PRH1: variants seen among roughly 807,000 people sequenced by gnomAD.
PRH1 encodes the protein salivary acidic proline-rich phosphoprotein 1/2.
PRH1 carries 7 observed loss-of-function variants against 7.9 expected under a neutral mutation model. That is an observed-to-expected ratio of 0.89 (90% CI 0.50 to 1.67). PRH1 has a LOEUF of 1.67. Ranked by LOEUF, PRH1 falls within the 40% of genes most tolerant of loss-of-function variation. The pLI is 0.00. For missense variants in PRH1, 109 were observed against 223.6 expected (o/e 0.49, Z 3.27); for synonymous variants, 45 against 80.8 (o/e 0.56, Z 2.38).
At chr12:10,996,496 A>G (rs1404453396) in intron 1 of PRH1, 1 of 152,780 alleles carries the variant, frequency 6.5e-6, no homozygotes, top group Non-Finnish European at 1.5e-5. Flanking sequence ...ACGTGATACA[A>G]ATTACAACGA....
At chr12:11,140,932 C>T (rs986813379) in intron 1 of PRH1, among the ~76,000 whole-genome samples, 2 of 151,962 alleles carry the variant, frequency 1.3e-5, no homozygotes, top group African/African-American at 4.8e-5. Context: ...ACTTTTCCTA[C>T]CAAAAGCATT....
chr12:11,060,044 T>C (rs1230278395), intron 1 of PRH1, among the ~76,000 whole-genome samples: 1 of 152,040 alleles, frequency 6.6e-6, no homozygotes, highest in Non-Finnish European at 1.5e-5. Flanking sequence ...TCTTACATTG[T>C]ACTGAGGAAG....
intron 1 of PRH1, among the ~76,000 whole-genome samples, chr12:11,151,725 G>A (rs1370532334): frequency 2.0e-5 from 3 of 152,012 alleles, no homozygotes; most frequent in African/African-American, 7.3e-5. Flanking sequence ...GTTGTTTAGG[G>A]GATAAATTAT....
chr12:11,130,482 G>A (rs952373569), intron 1 of PRH1, among the ~76,000 whole-genome samples: 3 of 149,740 alleles, frequency 2.0e-5, no homozygotes, highest in Non-Finnish European at 3.0e-5. Context: ...TCTGACTCAC[G>A]AACGATGTTT....
upstream of PRH1, among the ~76,000 whole-genome samples, chr12:10,886,705 T>G (rs1303939425): frequency 5.3e-5 from 8 of 152,196 alleles, no homozygotes; most frequent in Non-Finnish European, 1.2e-4. Context: ...ACATATGAAA[T>G]TTTAGGATTC....
intron 1 of PRH1, among the ~76,000 whole-genome samples, chr12:11,169,250 C>T (rs1947734005): frequency 6.6e-6 from 1 of 152,218 alleles, no homozygotes; most frequent in Admixed American, 6.5e-5. Flanking sequence ...TAATATCACC[C>T]TCAGCAAAAG....
intron 1 of PRH1, among the ~76,000 whole-genome samples, chr12:11,151,168 C>T (rs1947068298): frequency 6.6e-6 from 1 of 152,184 alleles, no homozygotes; most frequent in South Asian, 2.1e-4. Context: ...TGGGATTTAC[C>T]TGCAGCAGCT....
chr12:11,003,944 T>C (rs1940709040), intron 1 of PRH1, among the ~76,000 whole-genome samples: 1 of 152,116 alleles, frequency 6.6e-6, no homozygotes, highest in African/African-American at 2.4e-5. Context: ...ATCCATTTTA[T>C]TACTGATGGT....
chr12:11,037,498 A>T (rs1272167529), intron 1 of PRH1, among the ~76,000 whole-genome samples: 1 of 152,256 alleles, frequency 6.6e-6, no homozygotes, highest in African/African-American at 2.4e-5. Context: ...TAAAAATATG[A>T]GTATAAATAT....
At chr12:10,882,772 C>T in intron 2 of PRH1, 74 bp from the exon 3 acceptor site, 1 of 1,582,844 alleles carries the variant, frequency 6.3e-7, no homozygotes, top group Non-Finnish European at 8.6e-7. Flanking sequence ...TCTGTCTTCA[C>T]CACACGGCCG....
chr12:10,959,334 G>C (rs1938123293), intron 2 of PRH1, among the ~76,000 whole-genome samples: 1 of 7,962 alleles, frequency 1.3e-4, no homozygotes, highest in African/African-American at 1.9e-4. Context: ...TAGTCTATTA[G>C]AGAAAGGATT....
At chr12:10,984,561 G>A (rs1430675019) in intron 1 of PRH1, among the ~76,000 whole-genome samples, 2 of 152,042 alleles carry the variant, frequency 1.3e-5, no homozygotes, top group East Asian at 1.9e-4. Context: ...GGCCCTGGGA[G>A]TCAACAGTAA....
At chr12:10,952,820 C>A (rs1403331440) in intron 2 of PRH1, among the ~76,000 whole-genome samples, 1 of 152,132 alleles carries the variant, frequency 6.6e-6, no homozygotes, top group Non-Finnish European at 1.5e-5. Context: ...GAGCCTATAC[C>A]CTGCCACACT....
intron 2 of PRH1, among the ~76,000 whole-genome samples, chr12:10,958,366 G>C (rs1468310228): frequency 1.3e-5 from 2 of 152,036 alleles, no homozygotes; most frequent in African/African-American, 4.8e-5. Flanking sequence ...AGTACAGATG[G>C]ACACAAAGAA....
chr12:11,168,213 G>GAAGAAAGAAAGA (rs869102236), intron 1 of PRH1, among the ~76,000 whole-genome samples: 1 of 19,662 alleles, frequency 5.1e-5, no homozygotes, highest in Non-Finnish European at 1.2e-4. Context: ...AAGAAAGAAA[G>GAAGAAAGAAAGA]AAGAAAGAAA....
intron 2 of PRH1, among the ~76,000 whole-genome samples, chr12:10,928,325 A>G (rs935585290): frequency 3.3e-5 from 5 of 152,334 alleles, no homozygotes; most frequent in African/African-American, 7.2e-5. Context: ...AGTTGAATAT[A>G]TAAGTATGGC....
intron 1 of PRH1, among the ~76,000 whole-genome samples, chr12:11,098,610 T>C (rs1440103252): frequency 6.6e-6 from 1 of 152,238 alleles, no homozygotes; most frequent in Non-Finnish European, 1.5e-5. Flanking sequence ...ATATAGCAAA[T>C]GTCTAAAGTC....
intron 2 of PRH1, among the ~76,000 whole-genome samples, chr12:10,898,045 C>T (rs1163382944): frequency 6.6e-6 from 1 of 152,136 alleles, no homozygotes; most frequent in East Asian, 1.9e-4. Context: ...GTCTGTTTTT[C>T]TCTTCTATCC....
At chr12:10,926,921 G>A (rs1950131540) in intron 2 of PRH1, among the ~76,000 whole-genome samples, 1 of 152,134 alleles carries the variant, frequency 6.6e-6, no homozygotes. Context: ...TTGTGTTGTT[G>A]ACGGCTGCCA....
Sources: gnomAD v4.1 joint callset for allele counts (sites outside exome capture counted in the v4.1 genomes callset) on GRCh38, gnomAD v4.1.1 for gene constraint, MANE v1.5 for transcripts, NCBI Gene and HGNC (gene_info 2026-07-23, HGNC 2026-07-21) for gene names.